Variants in MGAT4C observed in about 807,000 individuals in gnomAD.
MGAT4C encodes the protein MGAT4 family member C, also known as alpha-1,3-mannosyl-glycoprotein 4-beta-N-acetylglucosaminyltransferase C.
A neutral mutation model predicts 40.1 loss-of-function variants in MGAT4C; 19 were observed. That is an observed-to-expected ratio of 0.47 (90% confidence interval 0.33 to 0.70). The LOEUF (loss-of-function observed/expected upper bound fraction) is 0.70. Ranked by LOEUF, MGAT4C falls within the 30% of genes least tolerant of loss-of-function variation. The pLI, the probability that MGAT4C is intolerant of heterozygous loss-of-function variation, is 0.02. For missense variants in MGAT4C, 491 were observed against 563.2 expected (o/e 0.87, Z 1.30); for synonymous variants, 181 against 187.1 (o/e 0.97, Z 0.27).
chr12:86,799,062 A>C (rs549245414), intron 1 of MGAT4C, among the ~76,000 whole-genome samples: 2 of 151,996 alleles, frequency 1.3e-5, no homozygotes, highest in South Asian at 4.1e-4. Context: ...TCTGTTATAT[A>C]TTAAGGTGAA....
At chr12:86,215,232 G>T (rs1187831757) in intron 1 of MGAT4C, among the ~76,000 whole-genome samples, 2 of 152,144 alleles carry the variant, frequency 1.3e-5, no homozygotes, top group East Asian at 3.9e-4. Context: ...TGTACATTTT[G>T]TATATGTAAG....
intron 2 of MGAT4C, among the ~76,000 whole-genome samples, chr12:86,492,408 A>G (rs1490967686): frequency 1.3e-5 from 2 of 152,158 alleles, no homozygotes; most frequent in Non-Finnish European, 2.9e-5. Flanking sequence ...ACTACAATGT[A>G]CAGTAACCAA....
intron 1 of MGAT4C, among the ~76,000 whole-genome samples, chr12:86,132,385 T>C (rs548754904): frequency 6.6e-6 from 1 of 152,188 alleles, no homozygotes; most frequent in Non-Finnish European, 1.5e-5. Context: ...CCTGAATTTT[T>C]CTATTGAGCT....
chr12:86,268,718 TAC>T (rs1211792700), intron 4 of MGAT4C, among the ~76,000 whole-genome samples: 6 of 147,402 alleles, frequency 4.1e-5, no homozygotes, highest in Admixed American at 6.8e-5. Context: ...TATATACACA[TAC>T]ACACACACAT....
intron 2 of MGAT4C, among the ~76,000 whole-genome samples, chr12:86,438,657 T>C (rs1397812289): frequency 6.6e-6 from 1 of 151,846 alleles, no homozygotes; most frequent in Non-Finnish European, 1.5e-5. Flanking sequence ...ATATAAATGC[T>C]CCACTTAAAT....
chr12:86,587,244 T>C (rs1184098603), intron 2 of MGAT4C, among the ~76,000 whole-genome samples: 2 of 152,050 alleles, frequency 1.3e-5, no homozygotes, highest in Non-Finnish European at 1.5e-5. Context: ...CTCAGGTTTG[T>C]CAAAGATCAG....
At chr12:86,790,071 C>T (rs117644641) in intron 1 of MGAT4C, among the ~76,000 whole-genome samples, 1 of 152,162 alleles carries the variant, frequency 6.6e-6, no homozygotes, top group Non-Finnish European at 1.5e-5. Flanking sequence ...TACTTGAATG[C>T]TATCACAGAA....
At chr12:86,088,951 A>C (rs1872400475) in intron 1 of MGAT4C, among the ~76,000 whole-genome samples, 1 of 151,948 alleles carries the variant, frequency 6.6e-6, no homozygotes, top group Non-Finnish European at 1.5e-5. Context: ...TCTTCTTCTT[A>C]TTTCATCGAG....
chr12:86,619,370 A>G (rs543487542), intron 2 of MGAT4C, among the ~76,000 whole-genome samples: 6 of 152,090 alleles, frequency 3.9e-5, no homozygotes, highest in Non-Finnish European at 7.4e-5. Context: ...TCTTAGTTAC[A>G]TTACATGTCA....
intron 1 of MGAT4C, among the ~76,000 whole-genome samples, chr12:86,198,363 C>G (rs1949904798): frequency 6.6e-6 from 1 of 152,108 alleles, no homozygotes; most frequent in Non-Finnish European, 1.5e-5. Flanking sequence ...AATATTTTTT[C>G]CACAATCTAA....
intron 2 of MGAT4C, among the ~76,000 whole-genome samples, chr12:86,520,698 T>C (rs1958778331): frequency 6.6e-6 from 1 of 152,156 alleles, no homozygotes; most frequent in Non-Finnish European, 1.5e-5. Context: ...CCATCAACAG[T>C]GTATAAGCAT....
intron 2 of MGAT4C, among the ~76,000 whole-genome samples, chr12:86,470,906 T>A (rs929868168): frequency 1.3e-5 from 2 of 152,114 alleles, no homozygotes; most frequent in African/African-American, 4.8e-5. Context: ...TGAGGAACAA[T>A]GCTTTAAATG....
intron 3 of MGAT4C, among the ~76,000 whole-genome samples, chr12:86,430,571 G>T (rs1957016048): frequency 6.6e-6 from 1 of 152,168 alleles, no homozygotes; most frequent in Admixed American, 6.5e-5. Flanking sequence ...CACTGGCTTT[G>T]TTTGGCTATA....
intron 1 of MGAT4C, among the ~76,000 whole-genome samples, chr12:86,227,078 G>A (rs1951117780): frequency 6.6e-6 from 1 of 151,754 alleles, no homozygotes; most frequent in African/African-American, 2.4e-5. Context: ...ATATCCAGGG[G>A]TCTTTAAAAA....
chr12:85,959,873 T>A lies in MGAT4C; in HGVS notation c.*19416A>T, dbSNP rs1207308444. On this transcript the variant is annotated 3_prime_UTR_variant, in exon 5 of 5. Transcript: ENST00000611864. Reference sequence around the variant, plus strand: ...TGTCATTTATCAATTTTATTATATGTCTTTTGCTTATTAAAGGATTAAAAT... The same window carrying A: ...TGTCATTTATCAATTTTATTATATGACTTTTGCTTATTAAAGGATTAAAAT... 2 of 151,974 alleles carry A rather than the reference T, an allele frequency of 1.3e-5. No individual in the cohort carries two copies. Among genetic ancestry groups the A allele is most frequent in the Non-Finnish European group, 2.9e-5 (2 of 67,942 alleles). The allele number at this position is 151,974 out of a possible 1,614,324, so 9.4% of individuals were successfully genotyped here.
intron 2 of MGAT4C, among the ~76,000 whole-genome samples, chr12:86,599,203 T>C (rs1423399950): frequency 2.0e-5 from 3 of 152,110 alleles, no homozygotes; most frequent in African/African-American, 7.2e-5. Flanking sequence ...AGCCTATTTC[T>C]TCATATGTCA....
intron 1 of MGAT4C, among the ~76,000 whole-genome samples, chr12:86,153,633 C>A (rs1884569392): frequency 6.6e-6 from 1 of 152,164 alleles, no homozygotes; most frequent in African/African-American, 2.4e-5. Context: ...AGGTTTACCC[C>A]ATGCTGTTCT....
intron 2 of MGAT4C, among the ~76,000 whole-genome samples, chr12:86,566,265 C>A (rs1301293927): frequency 6.6e-6 from 1 of 151,538 alleles, no homozygotes; most frequent in African/African-American, 2.4e-5. Flanking sequence ...GAAAGGGAGA[C>A]CCACCCTTAA....
At chr12:86,073,259 C>T (rs992815047) in intron 1 of MGAT4C, among the ~76,000 whole-genome samples, 1 of 152,174 alleles carries the variant, frequency 6.6e-6, no homozygotes, top group Non-Finnish European at 1.5e-5. Flanking sequence ...ATTGTGAGGG[C>T]TTCCCAGCCA....
Sources: allele counts gnomAD v4.1 joint callset (sites outside exome capture counted in the v4.1 genomes callset), GRCh38; gene constraint gnomAD v4.1.1; transcripts MANE v1.5; gene names NCBI Gene and HGNC (gene_info 2026-07-23, HGNC 2026-07-21).